Variants in AFF3 observed in about 807,000 individuals in gnomAD.
The protein encoded by AFF3 is AF4/FMR2 family member 3.
AFF3 carries 32 observed loss-of-function variants against 129.7 expected under a neutral mutation model. The ratio of observed to expected loss-of-function variants is 0.25; its 90% CI spans 0.19 to 0.33. The LOEUF is 0.33. Ranked by LOEUF, AFF3 falls within the 10% of genes least tolerant of loss-of-function variation. AFF3 has a pLI of 1.00. For missense variants in AFF3, 1,373 were observed against 1,592.0 expected (o/e 0.86, Z 2.34); for synonymous variants, 644 against 635.4 (o/e 1.01, Z -0.20).
chr2:99,701,179 C>T (rs568823347), intron 11 of AFF3, among the ~76,000 whole-genome samples: 5 of 151,948 alleles, frequency 3.3e-5, no homozygotes, highest in African/African-American at 7.3e-5. Flanking sequence ...CGCAAGGTGG[C>T]GGCAGGATAG....
intron 7 of AFF3, among the ~76,000 whole-genome samples, chr2:99,976,798 GTT>G (rs3073411): frequency 0.11 from 14,586 of 132,236 alleles, 886 homozygotes; most frequent in Non-Finnish European, 0.15. Context: ...TTTTGTTCCT[GTT>G]TTTTTTTTTT....
chr2:99,601,764 A>G, intron 13 of AFF3, 143 bp from the exon 14 acceptor site: 2 of 1,008,006 alleles, frequency 2.0e-6, no homozygotes, highest in Non-Finnish European at 2.8e-6. Flanking sequence ...TGGAACTCAA[A>G]GAGCAGGCAT....
At chr2:99,844,028 T>C (rs149040525) in intron 7 of AFF3, among the ~76,000 whole-genome samples, 2 of 151,062 alleles carry the variant, frequency 1.3e-5, no homozygotes, top group Non-Finnish European at 2.9e-5. Context: ...AGACTCCATC[T>C]CAAAAACAAG....
chr2:99,550,940 C>A lies in AFF3; in HGVS notation c.*534G>T, dbSNP rs1327823181. ...TTATTCAATTACCCATTAATACATACCAATCAAAAAATAATTGGGGAATAG... is the reference window on the plus strand; with the variant it reads ...TTATTCAATTACCCATTAATACATAACAATCAAAAAATAATTGGGGAATAG... On this transcript the variant is annotated 3_prime_UTR_variant, in exon 25 of 25. Transcript: ENST00000672756. 4.2e-5 allele frequency: 13 copies of A among 308,806 alleles called. No individual in the cohort carries two copies. The highest frequency in any genetic ancestry group is 7.1e-5 in the Non-Finnish European group (12 of 169,276). 19.1% of individuals were successfully genotyped at this position (308,806 alleles called of 1,614,324 possible).
At chr2:99,567,061 G>A (rs774737085) in intron 19 of AFF3, among the ~76,000 whole-genome samples, 3 of 150,780 alleles carry the variant, frequency 2.0e-5, no homozygotes, top group African/African-American at 4.9e-5. Flanking sequence ...TCTGCCTCCC[G>A]GGTTCAAGCG....
chr2:99,895,812 G>T (rs1340098570), intron 7 of AFF3, among the ~76,000 whole-genome samples: 6 of 152,070 alleles, frequency 3.9e-5, no homozygotes, highest in African/African-American at 1.4e-4. Flanking sequence ...CTCACGCCTG[G>T]AATCCCAATA....
chr2:99,982,426 T>C (rs977249267), intron 7 of AFF3, among the ~76,000 whole-genome samples: 7 of 152,230 alleles, frequency 4.6e-5, no homozygotes, highest in South Asian at 2.1e-4. Flanking sequence ...TCCCCAGCCA[T>C]GCGGACCTGT....
At chr2:99,827,279 G>A (rs1558889374) in intron 8 of AFF3, among the ~76,000 whole-genome samples, 1 of 152,154 alleles carries the variant, frequency 6.6e-6, no homozygotes, top group Admixed American at 6.5e-5. Context: ...GGACCCTGAG[G>A]AACACCAACA....
In AFF3 at chr2:99,883,607, C is replaced by T. The variant is rs530418169; in HGVS notation, c.874-46083G>A. ...ACTACATTCCTCAAAGGTCTTTTTT[C>T]TTTTGGCAAGCCATGATTTCATGGA... On this transcript the variant is annotated intron_variant, in intron 7 of 24. Coordinates refer to ENST00000672756, the MANE Select transcript of AFF3 (RefSeq NM_001386135.1). Among the ~76,000 whole-genome samples, 17 of 152,154 alleles carry T rather than the reference C, an allele frequency of 1.1e-4. 2 individuals are homozygous for T. The South Asian group carries it at 3.3e-3, about 30-fold the overall frequency.
At chr2:100,073,152 C>T (rs1288187754) in intron 4 of AFF3, among the ~76,000 whole-genome samples, 5 of 152,172 alleles carry the variant, frequency 3.3e-5, no homozygotes, top group Non-Finnish European at 5.9e-5. Flanking sequence ...TGCTGACATC[C>T]TAATCTCCAA....
intron 7 of AFF3, among the ~76,000 whole-genome samples, chr2:99,881,990 A>G (rs1475591137): frequency 1.1e-4 from 17 of 152,182 alleles, no homozygotes; most frequent in Non-Finnish European, 1.5e-5. Flanking sequence ...CAGGAAAAAC[A>G]CGCTGGGAAA....
At chr2:100,092,419 T>G (rs1310304086) in intron 4 of AFF3, among the ~76,000 whole-genome samples, 1 of 152,166 alleles carries the variant, frequency 6.6e-6, no homozygotes, top group Non-Finnish European at 1.5e-5. Context: ...ACATGGCCTC[T>G]CACAACCACC....
At chr2:99,614,921 G>C (rs1335076989) in intron 13 of AFF3, among the ~76,000 whole-genome samples, 1 of 152,084 alleles carries the variant, frequency 6.6e-6, no homozygotes, top group African/African-American at 2.4e-5. Context: ...CAAAGATAAA[G>C]GCATTTCACA....
intron 11 of AFF3, among the ~76,000 whole-genome samples, chr2:99,703,679 A>G (rs1042034537): frequency 1.4e-5 from 2 of 145,682 alleles, no homozygotes; most frequent in African/African-American, 5.1e-5. Flanking sequence ...TCATGTGGGT[A>G]CTTGAACATT....
intron 12 of AFF3, among the ~76,000 whole-genome samples, chr2:99,659,571 A>G (rs1686046635): frequency 6.6e-6 from 1 of 152,156 alleles, no homozygotes; most frequent in South Asian, 2.1e-4. Context: ...GTGACATACA[A>G]TTTTAGGGGA....
chr2:99,621,945 A>G (rs1282441161), intron 13 of AFF3, among the ~76,000 whole-genome samples: 1 of 152,170 alleles, frequency 6.6e-6, no homozygotes, highest in Non-Finnish European at 1.5e-5. Context: ...CCTTCCTTCA[A>G]TTTTATAGCA....
At chr2:99,878,791 C>A (rs1692482204) in intron 7 of AFF3, among the ~76,000 whole-genome samples, 1 of 152,180 alleles carries the variant, frequency 6.6e-6, no homozygotes, top group African/African-American at 2.4e-5. Context: ...TGCCTGCCAA[C>A]AAAACCTGGT....
chr2:99,973,145 C>T (rs1387557956), intron 7 of AFF3, among the ~76,000 whole-genome samples: 14 of 152,170 alleles, frequency 9.2e-5, no homozygotes, highest in Admixed American at 3.3e-4. Flanking sequence ...CCCATGACCC[C>T]CAGCTGTTCT....
chr2:99,687,234 A>C (rs1048660028), intron 11 of AFF3, among the ~76,000 whole-genome samples: 2 of 152,224 alleles, frequency 1.3e-5, no homozygotes, highest in Non-Finnish European at 2.9e-5. Context: ...AGGCACTTTG[A>C]TCATTGTCAC....
Sources: gnomAD v4.1 joint callset for allele counts (sites outside exome capture counted in the v4.1 genomes callset) on GRCh38, gnomAD v4.1.1 for gene constraint, MANE v1.5 for transcripts, NCBI Gene and HGNC (gene_info 2026-07-23, HGNC 2026-07-21) for gene names.